IGSF9B: variants seen among roughly 807,000 people sequenced by gnomAD.
The protein encoded by IGSF9B is immunoglobulin superfamily member 9B, also known as protein turtle homolog B.
IGSF9B carries 48 observed loss-of-function variants against 143.7 expected under a neutral mutation model. The observed-to-expected ratio is 0.33, with a 90% CI of 0.26 to 0.42. The LOEUF is 0.42. Among genes scored for constraint, IGSF9B ranks in the 20% least tolerant of loss-of-function variants. The probability of loss-of-function intolerance (pLI) is 1.00; values close to 1 mark genes in which losing one functional copy is unlikely to be tolerated. For missense variants in IGSF9B, 1,706 were observed against 1,980.0 expected (o/e 0.86, Z 2.63); for synonymous variants, 903 against 833.1 (o/e 1.08, Z -1.44).
rs534012086 is a variant in IGSF9B, at chr11:133,937,465, G to A, written c.590C>T (p.Ser197Leu). The A allele has an allele frequency of 2.7e-5, 44 of 1,613,692 alleles. No individual in the cohort carries two copies. Among genetic ancestry groups the A allele is most frequent in the Admixed American group, 1.2e-4 (7 of 60,004 alleles). Residue 197 changes from serine to leucine, a missense_variant, in exon 5 of 20, where the codon TCG becomes TTG. This residue lies in a region of IGSF9B where 238 missense variants were observed against 452.6 expected (regional missense o/e 0.53). Transcript: ENST00000533871. Reference sequence around the variant, plus strand: ...GGCACCTCTGTCCTCCCGACTGACCGATGTCACTGTCAGGCTGCCGTCACT... The same window carrying A: ...GGCACCTCTGTCCTCCCGACTGACCAATGTCACTGTCAGGCTGCCGTCACT... Reference protein sequence around the residue: ...QVSDGSLTVTSVSREDRGAYT... With the variant: ...QVSDGSLTVTLVSREDRGAYT...
chr11:133,916,476 G>A (rs1939384752), intron 18 of IGSF9B, among the ~76,000 whole-genome samples: 1 of 152,182 alleles, frequency 6.6e-6, no homozygotes, highest in Non-Finnish European at 1.5e-5. Context: ...CCAGGACCCA[G>A]CAGCCGTACC....
intron 3 of IGSF9B, among the ~76,000 whole-genome samples, chr11:133,941,192 C>A (rs1015507427): frequency 2.0e-5 from 3 of 152,210 alleles, no homozygotes; most frequent in African/African-American, 4.8e-5. Flanking sequence ...AGCTTGCCAG[C>A]TGCATTTCCA....
At chr11:133,936,466 G>GA (rs1353468788) in intron 5 of IGSF9B, among the ~76,000 whole-genome samples, 1 of 152,136 alleles carries the variant, frequency 6.6e-6, no homozygotes, top group Non-Finnish European at 1.5e-5. Context: ...GCAGCAGGGA[G>GA]AAAGGCAACT....
At chr11:133,912,159 CCTTT>C (rs1248758356) in intron 18 of IGSF9B, 152 bp from the exon 19 acceptor site, 16 of 881,844 alleles carry the variant, frequency 1.8e-5, no homozygotes, top group Non-Finnish European at 2.7e-5. Flanking sequence ...ATGACACCCG[CCTTT>C]CTATTGCTCC....
At chr11:133,921,841 T>C (rs990964099) in intron 17 of IGSF9B, among the ~76,000 whole-genome samples, 1 of 152,056 alleles carries the variant, frequency 6.6e-6, no homozygotes, top group Non-Finnish European at 1.5e-5. Flanking sequence ...TAATATCAAC[T>C]TAAGCAACAC....
chr11:133,934,051 T>C (rs967675192), intron 7 of IGSF9B, among the ~76,000 whole-genome samples: 2 of 152,156 alleles, frequency 1.3e-5, no homozygotes, highest in Non-Finnish European at 2.9e-5. Flanking sequence ...CACTGCTTTT[T>C]AGCAGAAATA....
intron 18 of IGSF9B, chr11:133,919,121 G>T (rs765295237): frequency 2.0e-5 from 7 of 357,010 alleles, no homozygotes; most frequent in South Asian, 9.5e-5. Flanking sequence ...AGGTATACGG[G>T]GGGGGGGTGG....
rs751924626 is a variant in IGSF9B at position 133,921,070 on chromosome 11, C to G, written c.2655G>C (p.Met885Ile). 6.2e-7 allele frequency: 1 copy of G among 1,613,926 alleles called. No homozygotes were observed. The highest frequency in any genetic ancestry group is 8.5e-7 in the Non-Finnish European group (1 of 1,179,872). ...CGTCCGACTGGCGGAACTCGGGGTA[C>G]ATGTCCGTCTCCTCGGCGAAGGGGA... Reference protein sequence around the residue: ...EGFPFAEETDMYPEFRQSDEE... With the variant: ...EGFPFAEETDIYPEFRQSDEE... Residue 885 changes from methionine (M) to isoleucine (I), a missense_variant, in exon 18 of 20, where the codon ATG becomes ATC. By Grantham distance (10) the Met-to-Ile change is conservative (BLOSUM62 1). Coordinates refer to ENST00000533871, the MANE Select transcript of IGSF9B (RefSeq NM_001277285.4).
At chr11:133,924,373 G>A (rs1382971768) in intron 15 of IGSF9B, among the ~76,000 whole-genome samples, 1 of 152,018 alleles carries the variant, frequency 6.6e-6, no homozygotes, top group Admixed American at 6.6e-5. Flanking sequence ...AAGGAAGGGA[G>A]GAAAACACCA....
At position 133,899,229 on chromosome 11, in the gene IGSF9B, C is replaced by T. The variant is rs909163508; in HGVS notation, c.*9840G>A. 2 of 152,266 alleles carry T rather than the reference C, an allele frequency of 1.3e-5. No homozygotes were observed. The highest frequency in any genetic ancestry group is 2.1e-4 in the South Asian group (1 of 4,828). 9.4% of individuals were successfully genotyped at this position (152,266 alleles called of 1,614,324 possible). A position where few individuals can be genotyped will look rare whatever the true frequency, so the allele number is the denominator to read the frequency against. ...CAGGCTCCTGGCAGTGGCTGTGGGC[C>T]GTAAAAGCTCCATCAGAGCACACTC... On this transcript the variant is annotated 3_prime_UTR_variant, in exon 20 of 20. Transcript: ENST00000533871.
At position 133,901,607 on chromosome 11, in the gene IGSF9B, C is replaced by G. The variant is rs1939120983; in HGVS notation, c.*7462G>C. ...ATTCCCCTCTCTCCTTAAAATAGAA[C>G]CAATTCTGTAGATTTATATAATTTT... On this transcript the variant is annotated 3_prime_UTR_variant, in exon 20 of 20. Transcript: ENST00000533871. 5 of 152,244 alleles carry G rather than the reference C, an allele frequency of 3.3e-5. No individual in the cohort carries two copies. The South Asian group carries it at 6.2e-4, about 19-fold the overall frequency. The allele number at this position is 152,244 out of a possible 1,614,324, so 9.4% of individuals were successfully genotyped here.
chr11:133,911,937 T>A lies in IGSF9B; in HGVS notation c.4054A>T (p.Lys1352Ter). ...CCCTTGGATGACTTTTTGGGCTTCT[T>A]TATCCGTTGGTATTTCAGAGCCTCC... ...RLEALKYQRI[K>*]KPKKSSKGSS... The change falls in exon 19 of 20, where the codon AAG (lysine) becomes TAG (stop). Residue 1352 changes from lysine (K) to a stop codon, truncating the protein, a stop_gained. Transcript: ENST00000533871. LOFTEE classifies it high-confidence loss of function. 2 of 1,535,068 alleles carry A rather than the reference T, an allele frequency of 1.3e-6. No individual in the cohort carries two copies. The highest frequency in any genetic ancestry group is 1.7e-6 in the Non-Finnish European group (2 of 1,146,572).
Position 133,921,072 on chromosome 11 carries a change from T to C in IGSF9B, c.2653A>G (p.Met885Val), listed in dbSNP as rs767013350. 1.9e-5 allele frequency: 31 copies of C among 1,613,788 alleles called. No individual in the cohort carries two copies. The highest frequency in any genetic ancestry group is 1.1e-4 in the African/African-American group (8 of 74,936). Residue 885 changes from methionine (M) to valine (V), a missense_variant, in exon 18 of 20, where the codon ATG becomes GTG. Physicochemically the swap from Met to Val is conservative, Grantham distance 21 (BLOSUM62 1). Coordinates refer to ENST00000533871, the MANE Select transcript of IGSF9B (RefSeq NM_001277285.4). ...EGFPFAEETD[M>V]YPEFRQSDEE... Reference sequence around the variant, plus strand: ...TCCGACTGGCGGAACTCGGGGTACATGTCCGTCTCCTCGGCGAAGGGGAAG... The same window carrying C: ...TCCGACTGGCGGAACTCGGGGTACACGTCCGTCTCCTCGGCGAAGGGGAAG...
At position 133,920,895 on chromosome 11, in the gene IGSF9B, C is replaced by T; in HGVS notation, c.2830G>A (p.Glu944Lys). Reference protein sequence around the residue: ...PRGLEGPGGLEGRLQATGQAR... With the variant: ...PRGLEGPGGLKGRLQATGQAR... ...TGGCCTGTGGCCTGAAGCCGACCTT[C>T]CAGGCCACCGGGGCCCTCCAGCCCG... Residue 944 changes from glutamate (E) to lysine (K), a missense_variant, in exon 18 of 20, where the codon GAA becomes AAA. Around this residue, in one of 7 missense-constraint regions of IGSF9B, gnomAD observed 880 missense variants for 762.9 expected, o/e 1.15. Transcript: ENST00000533871. The T allele has an allele frequency of 6.2e-7, 1 of 1,608,286 alleles. No individual in the cohort carries two copies. The highest frequency in any genetic ancestry group is 1.3e-5 in the African/African-American group (1 of 74,922).
At chr11:133,947,288 G>A (rs1258466995) in intron 1 of IGSF9B, among the ~76,000 whole-genome samples, 1 of 152,180 alleles carries the variant, frequency 6.6e-6, no homozygotes, top group Non-Finnish European at 1.5e-5. Context: ...GGCCAGGGAG[G>A]CCACAAGGTC....
At chr11:133,923,962 A>C (rs948359843) in intron 15 of IGSF9B, among the ~76,000 whole-genome samples, 1 of 151,820 alleles carries the variant, frequency 6.6e-6, no homozygotes, top group African/African-American at 2.4e-5. Flanking sequence ...TGTAGGACAC[A>C]ACCTTTTTTT....
At chr11:133,921,693 G>A (rs938257003) in intron 17 of IGSF9B, among the ~76,000 whole-genome samples, 5 of 151,846 alleles carry the variant, frequency 3.3e-5, no homozygotes, top group Admixed American at 6.6e-5. Flanking sequence ...GTGAGCCGCC[G>A]CGCCCGGCCC....
Position 133,928,077 on chromosome 11 carries a change from T to TGAGCAGCAGCGTGGAGCAGCAGCGTG in IGSF9B, c.1632-1012_1632-987dup, listed in dbSNP as rs573795003. ...GCCACGTGTGGAAAAGCAGTGCAGA[T>TGAGCAGCAGCGTGGAGCAGCAGCGTG]GAGCAGCAGCGTGGAGCAGCAGCGT... On this transcript the variant is annotated intron_variant, in intron 12 of 19. Transcript: ENST00000533871. The surrounding 1 kb of genome is among the most constrained non-coding windows in gnomAD (Gnocchi z 4.7). Among the ~76,000 whole-genome samples, 1 of 152,230 alleles carries TGAGCAGCAGCGTGGAGCAGCAGCGTG rather than the reference T, an allele frequency of 6.6e-6. No homozygotes were observed. The highest frequency in any genetic ancestry group is 2.1e-4 in the South Asian group (1 of 4,828).
Position 133,915,268 on chromosome 11 carries a change from C to CTTT in IGSF9B, c.3984-3264_3984-3262dup, listed in dbSNP as rs33964936. Reference sequence around the variant, plus strand: ...GCCTGGAACTTACTTCTCTCTCTCTCTTTTTTTTTTTTTTTTTTTTTTGAG... The same window carrying CTTT: ...GCCTGGAACTTACTTCTCTCTCTCTCTTTTTTTTTTTTTTTTTTTTTTTTTGAG... On this transcript the variant is annotated intron_variant, in intron 18 of 19. Transcript: ENST00000533871. Among the ~76,000 whole-genome samples, 364 of 86,682 alleles carry CTTT rather than the reference C, an allele frequency of 4.2e-3. 1 individual carries two copies. Among genetic ancestry groups the CTTT allele is most frequent in the East Asian group, 6.4e-3 (20 of 3,140 alleles). The allele number at this position is 86,682 out of a possible 152,430, so 56.9% of individuals were successfully genotyped here.
Sources: allele counts gnomAD v4.1 joint callset (sites outside exome capture counted in the v4.1 genomes callset), GRCh38; gene constraint gnomAD v4.1.1; regional missense constraint gnomAD v4.1.1; non-coding constraint Gnocchi (gnomAD v3.1); transcripts MANE v1.5; gene names NCBI Gene and HGNC (gene_info 2026-07-23, HGNC 2026-07-21).